The following LCLAT1 variants were observed in gnomAD, a reference collection of about 807,000 sequenced individuals.
LCLAT1 encodes 1-AGP acyltransferase 8.
In LCLAT1, 11 loss-of-function variants were observed where a neutral mutation model predicts 30.7. That is an observed-to-expected ratio of 0.36 (90% CI 0.23 to 0.59). LCLAT1 has a LOEUF of 0.59. Ranked by LOEUF, LCLAT1 falls within the 20% of genes least tolerant of loss-of-function variation. The probability of loss-of-function intolerance (pLI) is 0.77; values close to 1 mark genes in which losing one functional copy is unlikely to be tolerated. For synonymous variants in LCLAT1, 155 were observed against 151.3 expected, an observed-to-expected ratio of 1.02 and a Z score of -0.18; for missense variants, 402 against 458.6, an observed-to-expected ratio of 0.88 and a Z score of 1.13.
rs577863683 is a variant in LCLAT1, at chr2:30,598,926, A to G, written c.628+30750A>G. Among the ~76,000 whole-genome samples the G allele has an allele frequency of 2.6e-5, 4 of 151,572 alleles. No homozygotes were observed. The East Asian group carries it at 5.8e-4, about 22-fold the overall frequency. On this transcript the variant is annotated intron_variant, in intron 5 of 5. Transcript: ENST00000379509. Reference sequence around the variant, plus strand: ...ATTTACCTAGGAGTCATTCAGGAGCAAGTTGTTCAATTTCCATGTAGTTGT... The same window carrying G: ...ATTTACCTAGGAGTCATTCAGGAGCGAGTTGTTCAATTTCCATGTAGTTGT...
chr2:30,560,774 T>C (rs1665179276), intron 3 of LCLAT1, among the ~76,000 whole-genome samples: 1 of 152,198 alleles, frequency 6.6e-6, no homozygotes. Flanking sequence ...GCTGAAATAA[T>C]AAGAGTTTAT....
intron 5 of LCLAT1, among the ~76,000 whole-genome samples, chr2:30,601,306 C>G (rs1667170800): frequency 1.3e-5 from 2 of 152,150 alleles, no homozygotes; most frequent in South Asian, 4.1e-4. Context: ...TTCAAATAAT[C>G]TGTATAGTTT....
intron 1 of LCLAT1, among the ~76,000 whole-genome samples, chr2:30,461,209 C>A (rs13398749): frequency 2.0e-5 from 3 of 152,100 alleles, no homozygotes; most frequent in Admixed American, 2.0e-4. Context: ...CTTGTGGGAT[C>A]TGATACGAAC....
intron 1 of LCLAT1, among the ~76,000 whole-genome samples, chr2:30,499,033 T>C (rs922968067): frequency 6.6e-6 from 1 of 152,200 alleles, no homozygotes; most frequent in African/African-American, 2.4e-5. Flanking sequence ...CAAAAGTGAA[T>C]CTGATCTCTG....
In LCLAT1 at chr2:30,537,521, T is replaced by TAA. The variant is rs1553370483; in HGVS notation, c.364+4208_364+4209insAA. On this transcript the variant is annotated intron_variant, in intron 3 of 5. Transcript: ENST00000379509. Reference sequence around the variant, plus strand: ...AGCGAGAGGATATAACAATTGTAAATACACACACACACACACACACACACG... The same window carrying TAA: ...AGCGAGAGGATATAACAATTGTAAATAAACACACACACACACACACACACACG... Among the ~76,000 whole-genome samples, 745 of 149,206 alleles carry TAA rather than the reference T, an allele frequency of 5.0e-3. 6 individuals carry two copies. Among genetic ancestry groups the TAA allele is most frequent in the African/African-American group, 0.018 (720 of 40,672 alleles).
intron 2 of LCLAT1, among the ~76,000 whole-genome samples, chr2:30,527,608 G>A (rs957010097): frequency 2.0e-5 from 3 of 152,048 alleles, no homozygotes; most frequent in Admixed American, 6.6e-5. Context: ...TTCACTATTG[G>A]CCTTCCCACT....
intron 5 of LCLAT1, 68 bp from the exon 6 acceptor site, chr2:30,640,049 G>A (rs909319429): frequency 7.7e-7 from 1 of 1,302,138 alleles, no homozygotes; most frequent in African/African-American, 1.5e-5. Flanking sequence ...CTGCCCTGCA[G>A]TGTGAATCAG....
intron 5 of LCLAT1, among the ~76,000 whole-genome samples, chr2:30,594,660 A>G (rs753007339): frequency 2.0e-5 from 3 of 152,224 alleles, no homozygotes; most frequent in Non-Finnish European, 2.9e-5. Flanking sequence ...TGGATTAACT[A>G]TTATGTGGGA....
chr2:30,589,743 T>A (rs1666609669), intron 5 of LCLAT1, among the ~76,000 whole-genome samples: 1 of 152,194 alleles, frequency 6.6e-6, no homozygotes. Flanking sequence ...GGTGTCTGTT[T>A]TATCTTTGAT....
intron 5 of LCLAT1, among the ~76,000 whole-genome samples, chr2:30,590,730 A>T (rs547144861): frequency 1.3e-4 from 20 of 152,072 alleles, no homozygotes; most frequent in African/African-American, 4.3e-4. Flanking sequence ...TGGCATGGAA[A>T]TATATTAAAT....
chr2:30,525,176 C>T (rs948487846), intron 1 of LCLAT1, among the ~76,000 whole-genome samples: 4 of 152,110 alleles, frequency 2.6e-5, no homozygotes, highest in African/African-American at 7.2e-5. Context: ...GCGATCTTGG[C>T]TCACTGTAAC....
chr2:30,614,704 G>A (rs1667909070), intron 5 of LCLAT1, among the ~76,000 whole-genome samples: 2 of 152,164 alleles, frequency 1.3e-5, no homozygotes, highest in South Asian at 4.1e-4. Context: ...GAGAGAGGCA[G>A]GAGATACACA....
intron 1 of LCLAT1, among the ~76,000 whole-genome samples, chr2:30,504,488 T>C (rs1212138513): frequency 2.6e-5 from 4 of 151,372 alleles, no homozygotes; most frequent in African/African-American, 9.7e-5. Flanking sequence ...TTATCATTCC[T>C]ATCTCAATTT....
intron 5 of LCLAT1, among the ~76,000 whole-genome samples, chr2:30,582,798 A>C (rs1666261660): frequency 2.0e-5 from 3 of 152,246 alleles, no homozygotes; most frequent in African/African-American, 4.8e-5. Flanking sequence ...AAAACATCAA[A>C]GAGGCAGCAA....
intron 1 of LCLAT1, among the ~76,000 whole-genome samples, chr2:30,501,580 T>G (rs1684392905): frequency 6.6e-6 from 1 of 151,760 alleles, no homozygotes; most frequent in Non-Finnish European, 1.5e-5. Context: ...GAGGCTCAGG[T>G]GGGAGGATCA....
intron 5 of LCLAT1, among the ~76,000 whole-genome samples, chr2:30,568,381 T>A (rs1320663744): frequency 1.3e-5 from 2 of 152,136 alleles, no homozygotes; most frequent in Admixed American, 1.3e-4. Flanking sequence ...CTGTAAAAAA[T>A]TCTTTCCCCT....
intron 1 of LCLAT1, among the ~76,000 whole-genome samples, chr2:30,489,701 T>G (rs1683745585): frequency 6.6e-6 from 1 of 152,162 alleles, no homozygotes; most frequent in Non-Finnish European, 1.5e-5. Flanking sequence ...GAGCCTATTC[T>G]GTCCCATCTG....
intron 5 of LCLAT1, among the ~76,000 whole-genome samples, chr2:30,601,133 T>G (rs1169545163): frequency 6.6e-6 from 1 of 152,188 alleles, no homozygotes; most frequent in Non-Finnish European, 1.5e-5. Context: ...TTCAGCTCCA[T>G]CAGATCATTT....
At chr2:30,540,125 C>T (rs915968283) in intron 3 of LCLAT1, among the ~76,000 whole-genome samples, 1 of 152,122 alleles carries the variant, frequency 6.6e-6, no homozygotes, top group African/African-American at 2.4e-5. Context: ...CTCGGTTTCC[C>T]CAAAACAGTC....
Sources: gnomAD v4.1 joint callset for allele counts (sites outside exome capture counted in the v4.1 genomes callset) on GRCh38, gnomAD v4.1.1 for gene constraint, MANE v1.5 for transcripts, NCBI Gene and HGNC (gene_info 2026-07-23, HGNC 2026-07-21) for gene names.